The following MYO1D variants were observed in gnomAD, a reference collection of about 807,000 sequenced individuals.
MYO1D encodes the protein unconventional myosin-Id.
A neutral mutation model predicts 122.0 loss-of-function variants in MYO1D; 83 were observed. That is an observed-to-expected ratio of 0.68 (90% CI 0.57 to 0.82). The LOEUF is 0.82. Among genes scored for constraint, MYO1D ranks in the 40% least tolerant of loss-of-function variants. MYO1D has a pLI of 0.00. For missense variants in MYO1D, 1,157 were observed against 1,269.5 expected, an observed-to-expected ratio of 0.91 and a Z score of 1.35; for synonymous variants, 464 against 446.9, an observed-to-expected ratio of 1.04 and a Z score of -0.48.
In MYO1D at chr17:32,780,693, T is replaced by C. The variant is rs571447518; in HGVS notation, c.187A>G (p.Ile63Val). 266 of 1,614,170 alleles carry C rather than the reference T, an allele frequency of 1.6e-4. 2 individuals carry two copies. The South Asian group carries it at 2.2e-3, about 13-fold the overall frequency. Residue 63 changes from isoleucine (I) to valine (V), a missense_variant, in exon 2 of 22, where the codon ATT becomes GTT. Transcript: ENST00000318217. The stretch of plus-strand genomic sequence containing the variant: ...AGCTCACGGCCTTTATACTGCTCAA[T>C]TGTGTCTCTTCCATAGATGTTCAAC... ...KLLNIYGRDT[I>V]EQYKGRELYE...
At chr17:32,745,324 C>T in intron 12 of MYO1D, 39 bp from the exon 13 acceptor site, 1 of 1,305,632 alleles carries the variant, frequency 7.7e-7, no homozygotes, top group East Asian at 2.4e-5. Context: ...TATCATTTAC[C>T]AAGCAAGAGC....
chr17:32,842,082 C>T (rs1023913325), intron 1 of MYO1D, among the ~76,000 whole-genome samples: 12 of 152,132 alleles, frequency 7.9e-5, no homozygotes, highest in African/African-American at 1.7e-4. Context: ...CAGCAAGTCT[C>T]GGCAGCCCCA....
intron 16 of MYO1D, among the ~76,000 whole-genome samples, chr17:32,684,695 G>A (rs1311597239): frequency 9.9e-5 from 15 of 152,086 alleles, no homozygotes; most frequent in Admixed American, 7.9e-4. Flanking sequence ...AAAATACATG[G>A]CAGCTGTCAT....
At chr17:32,675,956 AAT>A (rs2088802274) in intron 16 of MYO1D, among the ~76,000 whole-genome samples, 1 of 152,212 alleles carries the variant, frequency 6.6e-6, no homozygotes, top group East Asian at 1.9e-4. Flanking sequence ...CATGTGATCA[AAT>A]ATCCTCCTAT....
chr17:32,762,700 C>T (rs1210184824), intron 8 of MYO1D, among the ~76,000 whole-genome samples: 1 of 151,860 alleles, frequency 6.6e-6, no homozygotes, highest in Non-Finnish European at 1.5e-5. Flanking sequence ...ATGATGAGAC[C>T]CCATCTCTAC....
chr17:32,842,886 C>CTTTTTTTTTTTTTTTTTTTTTTTTT (rs34927176), intron 1 of MYO1D, among the ~76,000 whole-genome samples: 1 of 104,458 alleles, frequency 9.6e-6, no homozygotes, highest in Non-Finnish European at 1.9e-5. Flanking sequence ...CTATTTCTTT[C>CTTTTTTTTTTTTTTTTTTTTTTTTT]TTTTTTTTTT....
At chr17:32,758,815 C>T (rs1309996106) in intron 10 of MYO1D, among the ~76,000 whole-genome samples, 3 of 152,104 alleles carry the variant, frequency 2.0e-5, no homozygotes, top group African/African-American at 7.2e-5. Context: ...TAACTGTTAC[C>T]TTGGAGTTAG....
intron 12 of MYO1D, among the ~76,000 whole-genome samples, chr17:32,748,561 A>G (rs1200212831): frequency 6.6e-6 from 1 of 152,008 alleles, no homozygotes; most frequent in African/African-American, 2.4e-5. Flanking sequence ...GTGACCTTTG[A>G]TGGACGTACA....
At chr17:32,496,533 G>A (rs1033881411) in intron 21 of MYO1D, among the ~76,000 whole-genome samples, 8 of 152,208 alleles carry the variant, frequency 5.3e-5, no homozygotes, top group African/African-American at 1.7e-4. Context: ...CACCAGGGCC[G>A]CTCTGCAGGG....
chr17:32,859,880 G>A (rs1367936657), intron 1 of MYO1D, among the ~76,000 whole-genome samples: 1 of 152,072 alleles, frequency 6.6e-6, no homozygotes, highest in Non-Finnish European at 1.5e-5. Flanking sequence ...GCCTGACTTT[G>A]TTCAGGTATC....
chr17:32,519,609 C>T (rs940855545), intron 21 of MYO1D, among the ~76,000 whole-genome samples: 1 of 151,900 alleles, frequency 6.6e-6, no homozygotes, highest in Admixed American at 6.5e-5. Context: ...TGCAGCCCCC[C>T]GCAGCCCCGG....
At chr17:32,643,583 T>G (rs1248054967) in intron 19 of MYO1D, among the ~76,000 whole-genome samples, 1 of 152,230 alleles carries the variant, frequency 6.6e-6, no homozygotes, top group African/African-American at 2.4e-5. Flanking sequence ...AAGCTATTAT[T>G]GCCTCAATTT....
At chr17:32,765,781 A>G (rs548672645) in intron 7 of MYO1D, among the ~76,000 whole-genome samples, 2 of 151,896 alleles carry the variant, frequency 1.3e-5, no homozygotes, top group Non-Finnish European at 2.9e-5. Flanking sequence ...TTTTTAATCC[A>G]TCCACAATTG....
At chr17:32,655,177 G>A (rs772586157) in intron 17 of MYO1D, among the ~76,000 whole-genome samples, 3 of 152,068 alleles carry the variant, frequency 2.0e-5, no homozygotes, top group Non-Finnish European at 4.4e-5. Context: ...GTGATACATG[G>A]GCTCTCATAA....
At chr17:32,735,819 T>G (rs2089695073) in intron 14 of MYO1D, among the ~76,000 whole-genome samples, 1 of 152,160 alleles carries the variant, frequency 6.6e-6, no homozygotes, top group Admixed American at 6.5e-5. Context: ...AATACTTGCT[T>G]TCTTAAATTC....
At chr17:32,588,299 G>C (rs1276572801) in intron 21 of MYO1D, among the ~76,000 whole-genome samples, 3 of 152,154 alleles carry the variant, frequency 2.0e-5, no homozygotes, top group Non-Finnish European at 4.4e-5. Flanking sequence ...CTGCTATCTG[G>C]GAGGAATCCC....
chr17:32,594,475 C>T (rs940997557), intron 21 of MYO1D: 13 of 484,262 alleles, frequency 2.7e-5, no homozygotes, highest in Non-Finnish European at 4.8e-5. Flanking sequence ...CAGCCAGCAT[C>T]CTCTTCATCT....
At chr17:32,713,775 T>G (rs1223179530) in intron 15 of MYO1D, among the ~76,000 whole-genome samples, 1 of 152,112 alleles carries the variant, frequency 6.6e-6, no homozygotes, top group African/African-American at 2.4e-5. Context: ...TACAGGCAAC[T>G]ACCAAGCCCA....
chr17:32,522,360 C>T (rs914701548), intron 21 of MYO1D, among the ~76,000 whole-genome samples: 2 of 152,070 alleles, frequency 1.3e-5, no homozygotes, highest in Non-Finnish European at 2.9e-5. Flanking sequence ...GCCTTTTCAC[C>T]AAAAATGGGT....
Sources: gnomAD v4.1 joint callset for allele counts (sites outside exome capture counted in the v4.1 genomes callset) on GRCh38, gnomAD v4.1.1 for gene constraint, MANE v1.5 for transcripts, NCBI Gene and HGNC (gene_info 2026-07-23, HGNC 2026-07-21) for gene names.